RBM46: variants seen among roughly 807,000 people sequenced by gnomAD.
RBM46 encodes probable RNA-binding protein 46.
A neutral mutation model predicts 43.3 loss-of-function variants in RBM46; 12 were observed. That is an observed-to-expected ratio of 0.28 (90% CI 0.18 to 0.45). The LOEUF (loss-of-function observed/expected upper bound fraction) is 0.45, where lower values mean the gene tolerates loss of function less well. Among genes scored for constraint, RBM46 ranks in the 20% least tolerant of loss-of-function variants. RBM46 has a pLI of 1.00. For missense variants in RBM46, 412 were observed against 639.1 expected (o/e 0.64, Z 3.83); for synonymous variants, 205 against 207.6 (o/e 0.99, Z 0.11).
chr4:154,789,502 C>G (rs1184769693), intron 1 of RBM46, among the ~76,000 whole-genome samples: 2 of 152,168 alleles, frequency 1.3e-5, no homozygotes, highest in East Asian at 1.9e-4. Flanking sequence ...GTTGAACCAG[C>G]CTTGCATCCT....
chr4:154,802,217 G>A (rs1734670844), intron 4 of RBM46, among the ~76,000 whole-genome samples: 1 of 152,120 alleles, frequency 6.6e-6, no homozygotes, highest in Admixed American at 6.5e-5. Flanking sequence ...TTGAGTTAGA[G>A]GCAGGAAAAT....
intron 2 of RBM46, 119 bp from the exon 3 acceptor site, chr4:154,797,692 C>T (rs1343733670): frequency 1.7e-6 from 1 of 596,042 alleles, no homozygotes; most frequent in Non-Finnish European, 2.8e-6. Context: ...GTTGTATCAC[C>T]AATACCTAGA....
intron 4 of RBM46, among the ~76,000 whole-genome samples, chr4:154,801,243 T>C (rs888932718): frequency 1.3e-5 from 2 of 152,162 alleles, no homozygotes; most frequent in Non-Finnish European, 2.9e-5. Context: ...CCTCCCAAAG[T>C]ATATTACAAA....
chr4:154,800,880 CAAG>C (rs925379177), intron 4 of RBM46, among the ~76,000 whole-genome samples: 4 of 151,854 alleles, frequency 2.6e-5, no homozygotes, highest in African/African-American at 9.7e-5. Flanking sequence ...AGAAAACAGT[CAAG>C]AAAAACATTC....
At chr4:154,795,239 G>T (rs1734292669) in intron 1 of RBM46, among the ~76,000 whole-genome samples, 1 of 152,142 alleles carries the variant, frequency 6.6e-6, no homozygotes, top group Non-Finnish European at 1.5e-5. Context: ...GTAAACATAG[G>T]CATTGAGAGG....
chr4:154,810,105 T>A (rs1207088164), intron 4 of RBM46, among the ~76,000 whole-genome samples: 1 of 152,100 alleles, frequency 6.6e-6, no homozygotes, highest in Admixed American at 6.5e-5. Context: ...TTTTTTTAAT[T>A]ATGTAAGGCA....
At chr4:154,815,425 A>G (rs764352549) in intron 4 of RBM46, among the ~76,000 whole-genome samples, 13 of 152,174 alleles carry the variant, frequency 8.5e-5, no homozygotes, top group Middle Eastern at 6.8e-3. Flanking sequence ...TTTACACTTT[A>G]CTAGCAGTAA....
At chr4:154,815,714 T>C (rs964693777) in intron 4 of RBM46, among the ~76,000 whole-genome samples, 2 of 152,024 alleles carry the variant, frequency 1.3e-5, no homozygotes, top group African/African-American at 4.8e-5. Flanking sequence ...TTTTAAAATA[T>C]CTTGTTCTAC....
intron 4 of RBM46, among the ~76,000 whole-genome samples, chr4:154,808,885 A>G (rs1735042326): frequency 6.6e-6 from 1 of 152,104 alleles, no homozygotes; most frequent in South Asian, 2.1e-4. Context: ...AATAGTGATT[A>G]TACCAGAACA....
In RBM46 at chr4:154,786,572, A is replaced by G. The variant is rs1322689709; in HGVS notation, c.-12+5136A>G. ...TTTCCCTTGATAAAAATTATTGTCT[A>G]CTTTCTCTTTCTGCTGTTTAATAAA... On this transcript the variant is annotated intron_variant, in intron 1 of 4. Transcript: ENST00000281722. Among the ~76,000 whole-genome samples the G allele has an allele frequency of 5.9e-5, 9 of 152,100 alleles. No homozygotes were observed. In the East Asian group the frequency reaches 1.5e-3, roughly 26 times the overall value.
chr4:154,823,553 G>A (rs568993109), intron 4 of RBM46, among the ~76,000 whole-genome samples: 1 of 152,034 alleles, frequency 6.6e-6, no homozygotes, highest in South Asian at 2.1e-4. Flanking sequence ...TCACTTTAAA[G>A]TCTCTATTAA....
chr4:154,806,942 C>T lies in RBM46; in HGVS notation c.1402+7378C>T, dbSNP rs534296655. Among the ~76,000 whole-genome samples, 10 of 151,876 alleles carry T rather than the reference C, an allele frequency of 6.6e-5. No individual in the cohort carries two copies. In the South Asian group the frequency reaches 2.1e-3, roughly 31 times the overall value. ...GTGATCCTTATTATTTTATTTACTTCATAAATCTATTTGATCATGCTTGAT... is the reference window on the plus strand; with the variant it reads ...GTGATCCTTATTATTTTATTTACTTTATAAATCTATTTGATCATGCTTGAT... On this transcript the variant is annotated intron_variant, in intron 4 of 4. Coordinates refer to ENST00000281722, the MANE Select transcript of RBM46 (RefSeq NM_144979.5).
intron 1 of RBM46, among the ~76,000 whole-genome samples, chr4:154,782,561 G>A (rs1733543922): frequency 6.6e-6 from 1 of 152,140 alleles, no homozygotes; most frequent in South Asian, 2.1e-4. Context: ...TCGGCTGACT[G>A]CAACTTCCGC....
intron 1 of RBM46, among the ~76,000 whole-genome samples, chr4:154,783,560 CAG>C (rs1327158783): frequency 1.3e-5 from 2 of 152,120 alleles, no homozygotes; most frequent in African/African-American, 4.8e-5. Flanking sequence ...AAATTGGTAA[CAG>C]ATTTAAAATA....
intron 1 of RBM46, among the ~76,000 whole-genome samples, chr4:154,794,815 G>A (rs972268556): frequency 6.6e-6 from 1 of 151,802 alleles, no homozygotes. Context: ...CTCTTCCCTT[G>A]TCAACCTTCC....
At chr4:154,782,430 A>G (rs1160490118) in intron 1 of RBM46, among the ~76,000 whole-genome samples, 2 of 152,204 alleles carry the variant, frequency 1.3e-5, no homozygotes, top group African/African-American at 4.8e-5. Context: ...TTATGTGGTA[A>G]TCCTAATATA....
rs1396073258 is a variant in RBM46 at position 154,798,640 on chromosome 4, G to A, written c.620-142G>A. On this transcript the variant is annotated intron_variant, in intron 3 of 4. Transcript: ENST00000281722. ...GTTATTTACTTTAGTAAAAATTTTT[G>A]TGTGAATAGGAAACAAATGCTTAAC... The A allele has an allele frequency of 6.6e-6, 4 of 601,684 alleles. No homozygotes were observed. The East Asian group carries it at 9.6e-5, about 14-fold the overall frequency. 37.3% of individuals were successfully genotyped at this position (601,684 alleles called of 1,614,324 possible).
In RBM46 at chr4:154,801,532, G is replaced by A. The variant is rs537827148; in HGVS notation, c.1402+1968G>A. ...AATTAAGTTTCTTAGAGAAAAATGGGTCTAAATATTATTTTGGAGTGGGAT... is the reference window on the plus strand; with the variant it reads ...AATTAAGTTTCTTAGAGAAAAATGGATCTAAATATTATTTTGGAGTGGGAT... On this transcript the variant is annotated intron_variant, in intron 4 of 4. Transcript: ENST00000281722. 1.6e-3 allele frequency among the ~76,000 whole-genome samples: 248 copies of A among 152,216 alleles called. 2 individuals carry two copies. Among genetic ancestry groups the A allele is most frequent in the Admixed American group, 6.6e-3 (101 of 15,272 alleles).
At chr4:154,799,755 C>CTTTTTTTT (rs35629123) in intron 4 of RBM46, among the ~76,000 whole-genome samples, 191 bp downstream of exon 4, 3 of 114,650 alleles carry the variant, frequency 2.6e-5, no homozygotes, top group Non-Finnish European at 3.5e-5. Flanking sequence ...TTTAGCTTTT[C>CTTTTTTTT]TTTTTTTTTT....
Sources: gnomAD v4.1 joint callset for allele counts (sites outside exome capture counted in the v4.1 genomes callset) on GRCh38, gnomAD v4.1.1 for gene constraint, MANE v1.5 for transcripts, NCBI Gene and HGNC (gene_info 2026-07-23, HGNC 2026-07-21) for gene names.